NRG1: variants seen among roughly 807,000 people sequenced by gnomAD.
The protein encoded by NRG1 is pro-neuregulin-1, membrane-bound isoform.
NRG1 carries 18 observed loss-of-function variants against 63.8 expected under a neutral mutation model. The observed-to-expected ratio is 0.28, with a 90% CI of 0.19 to 0.42. The LOEUF is 0.42. Among genes scored for constraint, NRG1 ranks in the 10% least tolerant of loss-of-function variants. The pLI is 1.00. For missense variants in NRG1, 762 were observed against 814.7 expected, an observed-to-expected ratio of 0.94 and a Z score of 0.79; for synonymous variants, 302 against 301.3, an observed-to-expected ratio of 1.00 and a Z score of -0.02.
At chr8:31,909,381 G>A (rs1354764228) in intron 1 of NRG1, among the ~76,000 whole-genome samples, 1 of 152,038 alleles carries the variant, frequency 6.6e-6, no homozygotes, top group Non-Finnish European at 1.5e-5. Flanking sequence ...CTGGTAGGCA[G>A]CAGAGGTCTT....
chr8:31,783,341 A>T (rs893442311), intron 1 of NRG1, among the ~76,000 whole-genome samples: 20 of 152,200 alleles, frequency 1.3e-4, no homozygotes, highest in African/African-American at 4.3e-4. Context: ...CTAAACAAAC[A>T]ACTAACTTTT....
At chr8:32,682,080 T>C (rs546628906) in intron 5 of NRG1, among the ~76,000 whole-genome samples, 2 of 152,314 alleles carry the variant, frequency 1.3e-5, no homozygotes, top group Admixed American at 1.3e-4. Flanking sequence ...TTTTCTATTT[T>C]CAATAAATCA....
At chr8:32,247,104 T>G (rs923524265) in intron 1 of NRG1, among the ~76,000 whole-genome samples, 13 of 68,200 alleles carry the variant, frequency 1.9e-4, no homozygotes, top group Admixed American at 4.2e-4. Context: ...CAATTTACAG[T>G]TTTTTTTTAA....
intron 1 of NRG1, among the ~76,000 whole-genome samples, chr8:32,482,683 G>A (rs117798241): frequency 1.1e-3 from 167 of 152,210 alleles, no homozygotes; most frequent in African/African-American, 3.7e-3. Flanking sequence ...AACAGGGGAC[G>A]GGTGCTGACA....
intron 1 of NRG1, among the ~76,000 whole-genome samples, chr8:31,646,417 A>G (rs1804291597): frequency 6.6e-6 from 1 of 152,240 alleles, no homozygotes; most frequent in South Asian, 2.1e-4. Context: ...TGAGGGCACT[A>G]GAGTCTTGGT....
At chr8:32,311,302 C>T (rs573920126) in intron 1 of NRG1, among the ~76,000 whole-genome samples, 62 of 152,250 alleles carry the variant, frequency 4.1e-4, no homozygotes, top group South Asian at 6.2e-4. Context: ...TAAGCTAACA[C>T]GTTAAGTGCT....
At chr8:32,050,873 G>A (rs1821869412) in intron 1 of NRG1, among the ~76,000 whole-genome samples, 1 of 152,164 alleles carries the variant, frequency 6.6e-6, no homozygotes, top group South Asian at 2.1e-4. Flanking sequence ...AGCTGAAATT[G>A]TGGGAAAGTA....
chr8:32,080,601 C>T (rs960925128), intron 1 of NRG1, among the ~76,000 whole-genome samples: 3 of 152,162 alleles, frequency 2.0e-5, no homozygotes, highest in African/African-American at 7.2e-5. Context: ...GAGCTTCCAA[C>T]TTAACCATCT....
chr8:32,745,507 G>A (rs909056237), intron 7 of NRG1, among the ~76,000 whole-genome samples: 2 of 152,062 alleles, frequency 1.3e-5, no homozygotes, highest in African/African-American at 2.4e-5. Flanking sequence ...GAAAGAGAGG[G>A]ACAAATGTAT....
At chr8:31,721,273 A>G (rs150560636) in intron 1 of NRG1, among the ~76,000 whole-genome samples, 39 of 152,292 alleles carry the variant, frequency 2.6e-4, no homozygotes, top group Non-Finnish European at 4.9e-4. Context: ...CATTAGATCT[A>G]GGCTATTCTT....
At chr8:32,217,073 C>T (rs1441124819) in intron 1 of NRG1, among the ~76,000 whole-genome samples, 2 of 151,596 alleles carry the variant, frequency 1.3e-5, no homozygotes, top group Admixed American at 6.6e-5. Context: ...ATTAGCCGGG[C>T]GTGGTGGCAC....
chr8:31,662,813 C>A (rs1167340543), intron 1 of NRG1, among the ~76,000 whole-genome samples: 1 of 152,144 alleles, frequency 6.6e-6, no homozygotes, highest in African/African-American at 2.4e-5. Flanking sequence ...AAAACACATA[C>A]CAAGAACTTA....
At chr8:31,992,801 A>C (rs1563658121) in intron 1 of NRG1, among the ~76,000 whole-genome samples, 1 of 152,018 alleles carries the variant, frequency 6.6e-6, no homozygotes, top group Non-Finnish European at 1.5e-5. Context: ...ATAGGATTAA[A>C]ACTGAATGTA....
At position 32,742,363 on chromosome 8, in the gene NRG1, A is replaced by G. The variant is rs1404150744; in HGVS notation, c.633-312A>G. ...TCTTCCAACGTGTGTGACCAAAGCC[A>G]TCATATGGAAAACTGAGATGAATAA... is the stretch of plus-strand genomic sequence containing the variant. On this transcript the variant is annotated intron_variant, in intron 6 of 11. Coordinates refer to ENST00000356819, the Ensembl canonical transcript of NRG1. The surrounding 1 kb of genome is among the most constrained non-coding windows in gnomAD (Gnocchi z 4.2). Among the ~76,000 whole-genome samples the G allele has an allele frequency of 6.6e-6, 1 of 152,134 alleles. No homozygotes were observed. Among genetic ancestry groups the G allele is most frequent in the African/African-American group, 2.4e-5 (1 of 41,444 alleles).
At chr8:32,720,817 A>G (rs577084928) in intron 5 of NRG1, among the ~76,000 whole-genome samples, 54 of 152,252 alleles carry the variant, frequency 3.5e-4, no homozygotes, top group African/African-American at 1.1e-3. Context: ...AAACAGAAAA[A>G]AAACAGCAAC....
At chr8:32,693,013 G>A (rs556097863) in intron 5 of NRG1, among the ~76,000 whole-genome samples, 4 of 152,254 alleles carry the variant, frequency 2.6e-5, no homozygotes, top group South Asian at 4.1e-4. Flanking sequence ...CCACATCACC[G>A]AATGCCTTTC....
intron 1 of NRG1, among the ~76,000 whole-genome samples, chr8:32,153,688 T>C (rs979650054): frequency 2.6e-5 from 4 of 152,176 alleles, no homozygotes; most frequent in African/African-American, 9.7e-5. Flanking sequence ...AGAATCCTAC[T>C]TAGGTCTGAA....
At chr8:32,085,954 C>T (rs1828155023) in intron 1 of NRG1, among the ~76,000 whole-genome samples, 1 of 152,162 alleles carries the variant, frequency 6.6e-6, no homozygotes, top group African/African-American at 2.4e-5. Context: ...TGCCTCTTAG[C>T]CAGTTCTTAG....
chr8:31,903,814 G>A (rs557047830), intron 1 of NRG1, among the ~76,000 whole-genome samples: 18 of 151,906 alleles, frequency 1.2e-4, no homozygotes, highest in Non-Finnish European at 2.4e-4. Flanking sequence ...AATTAGCCAG[G>A]CGTGGTGATG....
Sources: allele counts gnomAD v4.1 joint callset (sites outside exome capture counted in the v4.1 genomes callset), GRCh38; gene constraint gnomAD v4.1.1; non-coding constraint Gnocchi (gnomAD v3.1); transcripts MANE v1.5; gene names NCBI Gene and HGNC (gene_info 2026-07-23, HGNC 2026-07-21).